MET: variants seen among roughly 807,000 people sequenced by gnomAD.
MET encodes the protein MET proto-oncogene, receptor tyrosine kinase, also known as hepatocyte growth factor receptor.
A neutral mutation model predicts 133.1 loss-of-function variants in MET; 48 were observed. The observed-to-expected ratio is 0.36, with a 90% CI of 0.29 to 0.46. MET has a LOEUF of 0.46. MET is among the 20% of genes least tolerant of loss of function. The probability of loss-of-function intolerance (pLI) is 1.00; values close to 1 mark genes in which losing one functional copy is unlikely to be tolerated. For missense variants in MET, 1,442 were observed against 1,695.9 expected (o/e 0.85, Z 2.63); for synonymous variants, 628 against 616.5 (o/e 1.02, Z -0.28).
intron 2 of MET, among the ~76,000 whole-genome samples, chr7:116,708,669 A>G (rs1791885536): frequency 6.6e-6 from 1 of 152,168 alleles, no homozygotes; most frequent in African/African-American, 2.4e-5. Context: ...GATCCTGCTC[A>G]CACTCACTGC....
At position 116,699,654 on chromosome 7, in the gene MET, C is replaced by A. The variant is rs1791490183; in HGVS notation, c.570C>A (p.Asp190Glu). The A allele has an allele frequency of 6.2e-7, 1 of 1,613,984 alleles. No individual in the cohort carries two copies. Among genetic ancestry groups the A allele is most frequent in the South Asian group, 1.1e-5 (1 of 91,080 alleles). Reference protein sequence around the residue: ...LGAKVLSSVKDRFINFFVGNT... With the variant: ...LGAKVLSSVKERFINFFVGNT... ...CCAAAGTCCTTTCATCTGTAAAGGA[C>A]CGGTTCATCAACTTCTTTGTAGGCA... is the stretch of plus-strand genomic sequence containing the variant. The change falls in exon 2 of 21, where the codon GAC (aspartate) becomes GAA (glutamate). Residue 190 changes from aspartate to glutamate, a missense_variant. Physicochemically the swap from Asp to Glu is conservative, Grantham distance 45. Transcript: ENST00000397752.
rs183573710 is a variant in MET at position 116,756,930 on chromosome 7, A to G, written c.1863-507A>G. ...CTGTATAAGTGCTATAGTACCATTA[A>G]TGTAAAGTTTAGTATAAGCAGGGTG... is the stretch of plus-strand genomic sequence containing the variant. On this transcript the variant is annotated intron_variant, in intron 6 of 20. Transcript: ENST00000397752. Among the ~76,000 whole-genome samples the G allele has an allele frequency of 2.0e-4, 30 of 152,238 alleles. No homozygotes were observed. The East Asian group carries it at 5.8e-3, about 29-fold the overall frequency.
intron 2 of MET, among the ~76,000 whole-genome samples, chr7:116,705,615 C>T (rs1791759299): frequency 6.6e-6 from 1 of 152,062 alleles, no homozygotes; most frequent in Non-Finnish European, 1.5e-5. Flanking sequence ...AATATCTTGG[C>T]CATATGCCAA....
chr7:116,727,237 G>A (rs570915736), intron 2 of MET, among the ~76,000 whole-genome samples: 11 of 152,220 alleles, frequency 7.2e-5, no homozygotes, highest in East Asian at 1.9e-4. Flanking sequence ...TCCTCAGAAC[G>A]TTGCCCAGAA....
chr7:116,775,098 A>T lies in MET; in HGVS notation c.3246A>T (p.Glu1082Asp), dbSNP rs1794955289. 3 of 1,614,160 alleles carry T rather than the reference A, an allele frequency of 1.9e-6. No homozygotes were observed. ...GPSSLIVHFNEVIGRGHFGCV... is the reference protein window; with the variant it reads ...GPSSLIVHFNDVIGRGHFGCV... ...GTAGCCTGATTGTGCATTTCAATGA[A>T]GTCATAGGAAGAGGTAAGTATTTCC... Residue 1082 changes from glutamate (E) to aspartate (D), a missense_variant, in exon 15 of 21, where the codon GAA becomes GAT. Physicochemically the swap from Glu to Asp is conservative, Grantham distance 45 (BLOSUM62 2). This residue lies in a region of MET where 514 missense variants were observed against 659.6 expected (regional missense o/e 0.78). Coordinates refer to ENST00000397752, the MANE Select transcript of MET (RefSeq NM_000245.4).
At chr7:116,765,233 G>A (rs1794576355) in intron 11 of MET, among the ~76,000 whole-genome samples, 1 of 147,388 alleles carries the variant, frequency 6.8e-6, no homozygotes, top group South Asian at 2.2e-4. Context: ...CCTGAAGGCG[G>A]AGGTTGCAGT....
In MET at chr7:116,763,184, C is replaced by G. The variant is rs866072933; in HGVS notation, c.2499C>G (p.Leu833=). 6.2e-7 allele frequency: 1 copy of G among 1,613,992 alleles called. No individual in the cohort carries two copies. Among genetic ancestry groups the G allele is most frequent in the Non-Finnish European group, 8.5e-7 (1 of 1,179,968 alleles). The stretch of plus-strand genomic sequence containing the variant: ...GGATCCTTTCCAAATACTTTGATCT[C>G]ATTTATGTACATAATCCTGTGTTTA... The part of the protein sequence containing the change: ...LDGILSKYFD[L]IYVHNPVFKP... The change falls in exon 11 of 21, where the codon CTC becomes CTG. Residue 833 remains leucine (L), a synonymous_variant. Coordinates refer to ENST00000397752, the MANE Select transcript of MET (RefSeq NM_000245.4).
intron 15 of MET, among the ~76,000 whole-genome samples, chr7:116,776,549 T>C (rs1794999193): frequency 1.3e-5 from 2 of 152,248 alleles, no homozygotes; most frequent in Admixed American, 1.3e-4. Flanking sequence ...TATGTATTTA[T>C]ATGTTTTTCT....
intron 5 of MET, among the ~76,000 whole-genome samples, chr7:116,754,828 A>G (rs1794064111): frequency 6.6e-6 from 1 of 150,672 alleles, no homozygotes; most frequent in Non-Finnish European, 1.5e-5. Context: ...AAAAGAAAAG[A>G]AAAGAAAGAA....
Position 116,674,647 on chromosome 7 carries a change from G to A in MET, c.-15+2070G>A, listed in dbSNP as rs116218483. ...CCTCTAACTGGCTTATTTTCTCCAA[G>A]TGGCTGCACCAAAGACATGGCAACA... On this transcript the variant is annotated intron_variant, in intron 1 of 20. Transcript: ENST00000397752. 3.4e-3 allele frequency among the ~76,000 whole-genome samples: 517 copies of A among 152,292 alleles called. 1 individual carries two copies. The highest frequency in any genetic ancestry group is 0.012 in the African/African-American group (489 of 41,556).
chr7:116,685,254 T>C (rs776983934), intron 1 of MET, among the ~76,000 whole-genome samples: 4 of 152,156 alleles, frequency 2.6e-5, no homozygotes, highest in Non-Finnish European at 5.9e-5. Context: ...TCCCATCCAC[T>C]CTCATGGCTT....
Position 116,759,479 on chromosome 7 carries a change from A to G in MET, c.2353A>G (p.Asn785Asp). Residue 785 changes from asparagine (N) to aspartate (D), a missense_variant, in exon 10 of 21, where the codon AAC becomes GAC. Asn to Asp is a conservative substitution (Grantham distance 23). This residue lies in a region of MET where 514 missense variants were observed against 659.6 expected (regional missense o/e 0.78). Transcript: ENST00000397752. Reference sequence around the variant, plus strand: ...CATAAATGTGCATGAAGCAGGAAGGAACTTTACAGTGGTAAGTCCTTTGAG... The same window carrying G: ...CATAAATGTGCATGAAGCAGGAAGGGACTTTACAGTGGTAAGTCCTTTGAG... Reference protein sequence around the residue: ...MVINVHEAGRNFTVACQHRSN... With the variant: ...MVINVHEAGRDFTVACQHRSN... The G allele has an allele frequency of 6.2e-7, 1 of 1,613,456 alleles. No individual in the cohort carries two copies. The highest frequency in any genetic ancestry group is 8.5e-7 in the Non-Finnish European group (1 of 1,179,702).
Position 116,699,300 on chromosome 7 carries a change from T to G in MET, c.216T>G (p.Val72=), listed in dbSNP as rs200472537. 1 of 1,614,058 alleles carries G rather than the reference T, an allele frequency of 6.2e-7. No individual in the cohort carries two copies. The highest frequency in any genetic ancestry group is 1.7e-5 in the Admixed American group (1 of 59,986). Residue 72 remains valine (V), a synonymous_variant, in exon 2 of 21, where the codon GTT becomes GTG. Transcript: ENST00000397752. ...TTGGTGCCACTAACTACATTTATGT[T>G]TTAAATGAGGAAGACCTTCAGAAGG... ...IFLGATNYIY[V]LNEEDLQKVA...
chr7:116,772,041 G>A (rs867883956), intron 14 of MET, 52 bp downstream of exon 14: 3 of 1,593,498 alleles, frequency 1.9e-6, no homozygotes, highest in Non-Finnish European at 2.6e-6. Flanking sequence ...ACCTCAGTGG[G>A]TTGTGACATT....
intron 1 of MET, among the ~76,000 whole-genome samples, chr7:116,673,130 G>A (rs915419449): frequency 6.6e-6 from 1 of 152,180 alleles, no homozygotes; most frequent in Non-Finnish European, 1.5e-5. Context: ...CTTATTAGGT[G>A]AAATAGATTA....
At chr7:116,717,039 G>A (rs147449421) in intron 2 of MET, among the ~76,000 whole-genome samples, 24 of 152,326 alleles carry the variant, frequency 1.6e-4, no homozygotes, top group East Asian at 3.9e-4. Flanking sequence ...CTCAAGAGGC[G>A]TTAGTGGAAA....
intron 1 of MET, among the ~76,000 whole-genome samples, chr7:116,679,041 C>G (rs1796257952): frequency 6.6e-6 from 1 of 152,162 alleles, no homozygotes. Context: ...ATTTTAAGCA[C>G]TTTTTAAAGT....
chr7:116,771,089 T>C (rs1794814789), intron 12 of MET, among the ~76,000 whole-genome samples: 1 of 152,190 alleles, frequency 6.6e-6, no homozygotes. Context: ...GGAAGTCTTC[T>C]CTGCCCTCCA....
intron 1 of MET, among the ~76,000 whole-genome samples, chr7:116,687,610 G>T (rs552980762): frequency 3.9e-5 from 6 of 152,080 alleles, no homozygotes; most frequent in South Asian, 2.1e-4. Context: ...AACAATTCTT[G>T]TCTACTTTGC....
Sources: gnomAD v4.1 joint callset for allele counts (sites outside exome capture counted in the v4.1 genomes callset) on GRCh38, gnomAD v4.1.1 for gene constraint, gnomAD v4.1.1 regional missense constraint, MANE v1.5 for transcripts, NCBI Gene and HGNC (gene_info 2026-07-23, HGNC 2026-07-21) for gene names.